The following IGFBP4 variants were observed in gnomAD, a reference collection of about 807,000 sequenced individuals.
IGFBP4 encodes insulin-like growth factor-binding protein 4.
A neutral mutation model predicts 25.8 loss-of-function variants in IGFBP4; 9 were observed. That is an observed-to-expected ratio of 0.35 (90% CI 0.21 to 0.61). The LOEUF (loss-of-function observed/expected upper bound fraction) is 0.61, where lower values mean the gene tolerates loss of function less well. IGFBP4 is among the 20% of genes least tolerant of loss of function. IGFBP4 has a pLI of 0.77. For missense variants in IGFBP4, 315 were observed against 365.3 expected, an observed-to-expected ratio of 0.86 and a Z score of 1.12; for synonymous variants, 153 against 153.9, an observed-to-expected ratio of 0.99 and a Z score of 0.05.
chr17:40,443,645 T>TGCCGCCGTGTGCCC lies in IGFBP4; in HGVS notation c.-90_-77dup, dbSNP rs2035622004. On this transcript the variant is annotated 5_prime_UTR_variant, in exon 1 of 4. Coordinates refer to ENST00000269593, the MANE Select transcript of IGFBP4 (RefSeq NM_001552.3). ...CGGGTCCTCCAGGAGCGCCAGGCGC[T>TGCCGCCGTGTGCCC]GCCGCCGTGTGCCCTCCGCCGCTCG... The TGCCGCCGTGTGCCC allele has an allele frequency of 1.7e-6, 1 of 587,782 alleles. No homozygotes were observed. Among genetic ancestry groups the TGCCGCCGTGTGCCC allele is most frequent in the African/African-American group, 2.0e-5 (1 of 49,610 alleles). The allele number at this position is 587,782 out of a possible 1,614,324, so 36.4% of individuals were successfully genotyped here.
intron 1 of IGFBP4, among the ~76,000 whole-genome samples, chr17:40,446,704 G>A (rs1291801852): frequency 6.6e-6 from 1 of 152,182 alleles, no homozygotes; most frequent in Non-Finnish European, 1.5e-5. Flanking sequence ...CACAGCCAAG[G>A]TCTGTAATGC....
intron 1 of IGFBP4, among the ~76,000 whole-genome samples, chr17:40,448,347 G>A (rs1332359464): frequency 3.3e-5 from 5 of 152,348 alleles, no homozygotes; most frequent in East Asian, 1.9e-4. Context: ...CTTCTCTGGC[G>A]CCTTCCCTTC....
At chr17:40,448,695 C>A (rs1208623717) in intron 1 of IGFBP4, among the ~76,000 whole-genome samples, 1 of 152,194 alleles carries the variant, frequency 6.6e-6, no homozygotes, top group African/African-American at 2.4e-5. Context: ...CCCTTACCCC[C>A]ACAAAAACCT....
Position 40,453,876 on chromosome 17 carries a change from G to T in IGFBP4, c.508-52G>T. On this transcript the variant is annotated intron_variant, in intron 2 of 3. Coordinates refer to ENST00000269593, the MANE Select transcript of IGFBP4 (RefSeq NM_001552.3). This position sits in a 1 kb window ranked among gnomAD's most constrained non-coding sequence, Gnocchi z 4.0. ...CACTTAGCTCTGACCCCAGGCCTGG[G>T]CCTCCTGCCTCTCTTCCTTCTGCTG... 7.0e-7 allele frequency: 1 copy of T among 1,433,034 alleles called. No individual in the cohort carries two copies. The allele number at this position is 1,433,034 out of a possible 1,614,324, so 88.8% of individuals were successfully genotyped here.
Position 40,453,203 on chromosome 17 carries a change from G to GC in IGFBP4, c.507+67dup, listed in dbSNP as rs1197290190. The GC allele has an allele frequency of 4.8e-6, 6 of 1,243,336 alleles. No individual in the cohort carries two copies. Among genetic ancestry groups the GC allele is most frequent in the Middle Eastern group, 2.1e-4 (1 of 4,664 alleles). The allele number at this position is 1,243,336 out of a possible 1,614,324, so 77.0% of individuals were successfully genotyped here. On this transcript the variant is annotated intron_variant, in intron 2 of 3. Transcript: ENST00000269593. The surrounding 1 kb of genome is among the most constrained non-coding windows in gnomAD (Gnocchi z 4.0). ...AGACACACACACACACATGCCCCCT[G>GC]CCCCCCACATGCACGCACCCACACA...
chr17:40,443,887 C>T lies in IGFBP4; in HGVS notation c.152C>T (p.Pro51Leu), dbSNP rs1271012651. The change falls in exon 1 of 4, where the codon CCG becomes CTG. Residue 51 changes from proline to leucine, a missense_variant. Pro to Leu is a moderately conservative substitution (Grantham distance 98). Transcript: ENST00000269593. ...PVGCEELVREPGCGCCATCAL... is the reference protein window; with the variant it reads ...PVGCEELVRELGCGCCATCAL... Reference sequence around the variant, plus strand: ...GGCTGCGAGGAGCTGGTGCGAGAGCCGGGCTGCGGCTGTTGCGCCACTTGC... The same window carrying T: ...GGCTGCGAGGAGCTGGTGCGAGAGCTGGGCTGCGGCTGTTGCGCCACTTGC... 1.3e-6 allele frequency: 2 copies of T among 1,530,176 alleles called. No homozygotes were observed. Among genetic ancestry groups the T allele is most frequent in the East Asian group, 2.5e-5 (1 of 40,616 alleles). 94.8% of individuals were successfully genotyped at this position (1,530,176 alleles called of 1,614,324 possible).
chr17:40,450,117 C>G (rs1471184266), intron 1 of IGFBP4, among the ~76,000 whole-genome samples: 1 of 152,180 alleles, frequency 6.6e-6, no homozygotes, highest in African/African-American at 2.4e-5. Flanking sequence ...AGGTGATCCT[C>G]CCACCTCAGC....
chr17:40,455,485 AT>A lies in IGFBP4; in HGVS notation c.643-950del, dbSNP rs758909396. ...ACAGGCACACAACTATGTCAGGCTAATTTTTTTTTTTTTTGAGACAGAGTTT... is the reference window on the plus strand; with the variant it reads ...ACAGGCACACAACTATGTCAGGCTAATTTTTTTTTTTTTGAGACAGAGTTT... On this transcript the variant is annotated intron_variant, in intron 3 of 3. Coordinates refer to ENST00000269593, the MANE Select transcript of IGFBP4 (RefSeq NM_001552.3). 8.7e-3 allele frequency among the ~76,000 whole-genome samples: 1,236 copies of A among 142,146 alleles called. 5 individuals are homozygous for A. Among genetic ancestry groups the A allele is most frequent in the African/African-American group, 0.016 (635 of 38,838 alleles). The allele number at this position is 142,146 out of a possible 152,430, so 93.3% of individuals were successfully genotyped here. A position where few individuals can be genotyped will look rare whatever the true frequency, so the allele number is the denominator to read the frequency against.
At chr17:40,450,312 T>C (rs2035675330) in intron 1 of IGFBP4, among the ~76,000 whole-genome samples, 1 of 151,786 alleles carries the variant, frequency 6.6e-6, no homozygotes, top group Non-Finnish European at 1.5e-5. Context: ...TAGTACTTTC[T>C]TTTATGGTCA....
chr17:40,443,698 C>T lies in IGFBP4; in HGVS notation c.-38C>T, dbSNP rs906829087. 1 of 1,258,602 alleles carries T rather than the reference C, an allele frequency of 7.9e-7. No individual in the cohort carries two copies. The highest frequency in any genetic ancestry group is 1.0e-6 in the Non-Finnish European group (1 of 993,944). 78.0% of individuals were successfully genotyped at this position (1,258,602 alleles called of 1,614,324 possible). On this transcript the variant is annotated 5_prime_UTR_variant, in exon 1 of 4. Transcript: ENST00000269593. ...CGCGCGCCCGCGCTCCCCGCCTGCGCCCAGCGCCCCGCGCCCGCGCCCAGT... is the reference window on the plus strand; with the variant it reads ...CGCGCGCCCGCGCTCCCCGCCTGCGTCCAGCGCCCCGCGCCCGCGCCCAGT...
At chr17:40,444,926 C>CACACACAGAGAGAG (rs1456516087) in intron 1 of IGFBP4, among the ~76,000 whole-genome samples, 2 of 62,694 alleles carry the variant, frequency 3.2e-5, no homozygotes, top group Non-Finnish European at 3.8e-5. Context: ...CACACACACA[C>CACACACAGAGAGAG]AGAGACAGAG....
At chr17:40,449,554 C>T (rs778931612) in intron 1 of IGFBP4, among the ~76,000 whole-genome samples, 2 of 152,102 alleles carry the variant, frequency 1.3e-5, no homozygotes, top group Non-Finnish European at 2.9e-5. Flanking sequence ...CGAGACCATC[C>T]TGGCTAACAC....
intron 1 of IGFBP4, 98 bp downstream of exon 1, chr17:40,444,182 C>T: frequency 1.1e-6 from 1 of 931,490 alleles, no homozygotes; most frequent in Admixed American, 2.3e-5. Flanking sequence ...TTAAAAATCC[C>T]CTATGAGTTG....
intron 3 of IGFBP4, among the ~76,000 whole-genome samples, chr17:40,456,170 C>T (rs1295841976): frequency 6.6e-6 from 1 of 152,172 alleles, no homozygotes; most frequent in Non-Finnish European, 1.5e-5. Context: ...ACATCTCCAA[C>T]CTGAACCCAG....
Position 40,453,225 on chromosome 17 carries a change from C to A in IGFBP4, c.507+83C>A. The A allele has an allele frequency of 9.9e-7, 1 of 1,013,070 alleles. No homozygotes were observed. Among genetic ancestry groups the A allele is most frequent in the Non-Finnish European group, 1.4e-6 (1 of 738,410 alleles). The allele number at this position is 1,013,070 out of a possible 1,614,324, so 62.8% of individuals were successfully genotyped here. On this transcript the variant is annotated intron_variant, in intron 2 of 3. Coordinates refer to ENST00000269593, the MANE Select transcript of IGFBP4 (RefSeq NM_001552.3). This position sits in a 1 kb window ranked among gnomAD's most constrained non-coding sequence, Gnocchi z 4.0. Reference sequence around the variant, plus strand: ...CCTGCCCCCCACATGCACGCACCCACACACACCATCACCACCAGATCTGGG... The same window carrying A: ...CCTGCCCCCCACATGCACGCACCCAAACACACCATCACCACCAGATCTGGG...
intron 1 of IGFBP4, among the ~76,000 whole-genome samples, chr17:40,450,759 A>G (rs2035678261): frequency 6.6e-6 from 1 of 151,726 alleles, no homozygotes; most frequent in African/African-American, 2.4e-5. Flanking sequence ...TCCTGGCCTC[A>G]AGTGATCCTC....
Position 40,456,470 on chromosome 17 carries a change from C to A in IGFBP4, c.664C>A (p.Gln222Lys). 6.2e-7 allele frequency: 1 copy of A among 1,614,092 alleles called. No homozygotes were observed. Among genetic ancestry groups the A allele is most frequent in the Non-Finnish European group, 8.5e-7 (1 of 1,179,998 alleles). ...GCAGTGTCACCCAGCTCTGGATGGG[C>A]AGCGTGGCAAGTGCTGGTGTGTGGA... is the stretch of plus-strand genomic sequence containing the variant. ...PKQCHPALDG[Q>K]RGKCWCVDRK... The change falls in exon 4 of 4, where the codon CAG (glutamine) becomes AAG (lysine). Residue 222 changes from glutamine to lysine, a missense_variant. Transcript: ENST00000269593.
chr17:40,455,931 C>A (rs2143747487), intron 3 of IGFBP4, among the ~76,000 whole-genome samples: 1 of 152,324 alleles, frequency 6.6e-6, no homozygotes, highest in South Asian at 2.1e-4. Flanking sequence ...AATTTTGACC[C>A]AAAATTTAGC....
At chr17:40,448,360 C>G (rs144137530) in intron 1 of IGFBP4, among the ~76,000 whole-genome samples, 63 of 152,382 alleles carry the variant, frequency 4.1e-4, no homozygotes, top group Middle Eastern at 3.4e-3. Context: ...TTCCCTTCCT[C>G]TGCTGCTGGA....
Sources: allele counts gnomAD v4.1 joint callset (sites outside exome capture counted in the v4.1 genomes callset), GRCh38; gene constraint gnomAD v4.1.1; non-coding constraint Gnocchi (gnomAD v3.1); transcripts MANE v1.5; gene names NCBI Gene and HGNC (gene_info 2026-07-23, HGNC 2026-07-21).